The following CD8B variants were observed in gnomAD, a reference collection of about 807,000 sequenced individuals.
CD8B encodes the protein CD8 subunit beta.
In CD8B, 6 loss-of-function variants were observed where a neutral mutation model predicts 24.2. That is an observed-to-expected ratio of 0.25 (90% CI 0.14 to 0.49). The LOEUF (loss-of-function observed/expected upper bound fraction) is 0.49, where lower values mean the gene tolerates loss of function less well. Ranked by LOEUF, CD8B falls within the 20% of genes least tolerant of loss-of-function variation. The probability of loss-of-function intolerance (pLI) is 0.98; values close to 1 mark genes in which losing one functional copy is unlikely to be tolerated. For missense variants in CD8B, 196 were observed against 271.3 expected, an observed-to-expected ratio of 0.72 and a Z score of 1.95; for synonymous variants, 84 against 108.3, an observed-to-expected ratio of 0.78 and a Z score of 1.39.
Position 86,818,443 on chromosome 2 carries a change from G to A in CD8B, c.621-2725C>T, listed in dbSNP as rs114546095. Among the ~76,000 whole-genome samples the A allele has an allele frequency of 7.1e-3, 1,085 of 152,298 alleles. 19 individuals are homozygous for A. Among genetic ancestry groups the A allele is most frequent in the African/African-American group, 0.024 (1,013 of 41,554 alleles). ...TATCAATGCTGTTTTTCAATAGCAT[G>A]TGTTGACTTTGTGCCTCTGGATCAC... On this transcript the variant is annotated intron_variant, in intron 5 of 5. Transcript: ENST00000331469.
Position 86,840,367 on chromosome 2 carries a change from A to G in CD8B, c.*1940T>C, listed in dbSNP as rs967766002. Among the ~76,000 whole-genome samples, 8 of 152,178 alleles carry G rather than the reference A, an allele frequency of 5.3e-5. No individual in the cohort carries two copies. The highest frequency in any genetic ancestry group is 1.9e-4 in the African/African-American group (8 of 41,438). Reference sequence around the variant, plus strand: ...AAAAGGAAAAACCCCATCTCCCCACACTGAGTAACCAAGGATCAAAGGCTA... The same window carrying G: ...AAAAGGAAAAACCCCATCTCCCCACGCTGAGTAACCAAGGATCAAAGGCTA... On this transcript the variant is annotated 3_prime_UTR_variant, in exon 6 of 6. Transcript: ENST00000390655.
chr2:86,831,385 C>A (rs1389964145), intron 5 of CD8B, among the ~76,000 whole-genome samples: 1 of 152,078 alleles, frequency 6.6e-6, no homozygotes, highest in African/African-American at 2.4e-5. Flanking sequence ...CTATTCTTTC[C>A]CCATGTATGT....
In CD8B at chr2:86,838,342, C is replaced by A. The variant is rs1052756119; in HGVS notation, c.*3965G>T. On this transcript the variant is annotated 3_prime_UTR_variant, in exon 6 of 6. Transcript: ENST00000390655. ...CTGTACATATACAAACAAATATACC[C>A]GGAGGCCTTGATTTATTATTAGAGA... is the stretch of plus-strand genomic sequence containing the variant. 6.6e-6 allele frequency among the ~76,000 whole-genome samples: 1 copy of A among 151,972 alleles called. No individual in the cohort carries two copies. Among genetic ancestry groups the A allele is most frequent in the Non-Finnish European group, 1.5e-5 (1 of 68,010 alleles).
chr2:86,824,831 G>A (rs780381207), intron 5 of CD8B, among the ~76,000 whole-genome samples: 8 of 152,096 alleles, frequency 5.3e-5, no homozygotes, highest in East Asian at 1.9e-4. Context: ...TCCCTGAATC[G>A]CTTCCAGAAT....
rs1675419552 is a variant in CD8B at position 86,841,488 on chromosome 2, G to A, written c.*819C>T. The A allele has an allele frequency of 5.2e-6, 3 of 575,828 alleles. No individual in the cohort carries two copies. The highest frequency in any genetic ancestry group is 1.5e-4 in the South Asian group (2 of 13,598). 35.7% of individuals were successfully genotyped at this position (575,828 alleles called of 1,614,324 possible). ...AATGAGGATCTCAGGTGCAAAAGGA[G>A]GATGTACAAATTTTCTCCTTCTGGT... On this transcript the variant is annotated 3_prime_UTR_variant, in exon 6 of 6. Coordinates refer to ENST00000390655, the MANE Select transcript of CD8B (RefSeq NM_004931.5).
At chr2:86,848,684 G>T (rs1453686438) in intron 3 of CD8B, among the ~76,000 whole-genome samples, 1 of 70,030 alleles carries the variant, frequency 1.4e-5, no homozygotes, top group Non-Finnish European at 2.8e-5. Flanking sequence ...GAGGAAGAAA[G>T]GTATTGGTAT....
At chr2:86,820,891 A>G (rs888124592) in intron 5 of CD8B, among the ~76,000 whole-genome samples, 2 of 152,242 alleles carry the variant, frequency 1.3e-5, no homozygotes, top group Admixed American at 1.3e-4. Flanking sequence ...GCACTATTTT[A>G]TTAATGCTCA....
intron 5 of CD8B, among the ~76,000 whole-genome samples, chr2:86,832,758 C>T (rs901532624): frequency 6.6e-6 from 1 of 152,000 alleles, no homozygotes; most frequent in Non-Finnish European, 1.5e-5. Flanking sequence ...AACATTGATT[C>T]TTAGGAGCTT....
chr2:86,815,785 G>A, intron 5 of CD8B: 2 of 864,282 alleles, frequency 2.3e-6, no homozygotes, highest in Non-Finnish European at 3.9e-6. Context: ...TACTTATTAA[G>A]TAATGACTGA....
chr2:86,852,928 G>C, intron 3 of CD8B, 69 bp downstream of exon 3: 1 of 1,249,998 alleles, frequency 8.0e-7, no homozygotes, highest in Non-Finnish European at 1.1e-6. Context: ...GGGAAGGAAG[G>C]AGGGGAGGGA....
chr2:86,820,295 G>A (rs1293221003), intron 5 of CD8B, among the ~76,000 whole-genome samples: 23 of 152,176 alleles, frequency 1.5e-4, no homozygotes, highest in Non-Finnish European at 4.4e-5. Flanking sequence ...AAACAGCATC[G>A]CATGCTACAG....
chr2:86,843,432 G>A (rs1185234976), intron 5 of CD8B: 1 of 974,614 alleles, frequency 1.0e-6, no homozygotes, highest in African/African-American at 1.8e-5. Context: ...GCCTGAGACA[G>A]CTACACTCAA....
At chr2:86,844,778 G>A (rs1675593390) in intron 5 of CD8B, 144 bp downstream of exon 5, 2 of 1,538,580 alleles carry the variant, frequency 1.3e-6, no homozygotes, top group East Asian at 4.9e-5. Flanking sequence ...GAGTAGCTGT[G>A]ACTACAGGTG....
chr2:86,832,246 A>C (rs1674929700), intron 5 of CD8B, among the ~76,000 whole-genome samples: 1 of 152,214 alleles, frequency 6.6e-6, no homozygotes, highest in Non-Finnish European at 1.5e-5. Flanking sequence ...TGGGAGGCTG[A>C]GGAGGGTGGA....
intron 5 of CD8B, among the ~76,000 whole-genome samples, chr2:86,825,852 A>T (rs1048557115): frequency 6.6e-6 from 1 of 152,058 alleles, no homozygotes; most frequent in African/African-American, 2.4e-5. Flanking sequence ...TTATTGTCCT[A>T]CCTGACTGTA....
downstream of CD8B, among the ~76,000 whole-genome samples, chr2:86,836,216 C>G (rs1675171757): frequency 6.6e-6 from 1 of 152,126 alleles, no homozygotes. Context: ...TAAGGACTTT[C>G]TATCTGAGCC....
downstream of CD8B, among the ~76,000 whole-genome samples, chr2:86,833,915 C>G (rs961838276): frequency 2.0e-5 from 3 of 152,066 alleles, no homozygotes; most frequent in African/African-American, 7.2e-5. Flanking sequence ...TCCCAAAGTG[C>G]TGGGGTTACA....
At chr2:86,824,866 T>C (rs920287990) in intron 5 of CD8B, among the ~76,000 whole-genome samples, 1 of 152,242 alleles carries the variant, frequency 6.6e-6, no homozygotes, top group South Asian at 2.1e-4. Context: ...TTTTTAAGGT[T>C]TGAATACTTG....
At chr2:86,844,837 G>A in intron 5 of CD8B, 85 bp downstream of exon 5, 2 of 1,550,834 alleles carry the variant, frequency 1.3e-6, no homozygotes, top group Non-Finnish European at 1.7e-6. Context: ...GATGAGGTCT[G>A]ACTTTGGCTC....
Sources: allele counts gnomAD v4.1 joint callset (sites outside exome capture counted in the v4.1 genomes callset), GRCh38; gene constraint gnomAD v4.1.1; transcripts MANE v1.5; gene names NCBI Gene and HGNC (gene_info 2026-07-23, HGNC 2026-07-21).